SH3GL3: variants seen among roughly 807,000 people sequenced by gnomAD.
SH3GL3 encodes the protein SH3 domain containing GRB2 like 3, endophilin A3.
In SH3GL3, 33 loss-of-function variants were observed where a neutral mutation model predicts 47.7. That is an observed-to-expected ratio of 0.69 (90% confidence interval 0.52 to 0.92). SH3GL3 has a LOEUF of 0.92. Ranked by LOEUF, SH3GL3 falls within the 40% of genes least tolerant of loss-of-function variation. The pLI is 0.00. For missense variants in SH3GL3, 363 were observed against 417.8 expected, an observed-to-expected ratio of 0.87 and a Z score of 1.14; for synonymous variants, 155 against 148.8, an observed-to-expected ratio of 1.04 and a Z score of -0.30.
the SH3GL3 span, among the ~76,000 whole-genome samples, chr15:83,630,829 CCAAATCT>C: frequency 3.3e-5 from 5 of 152,074 alleles, no homozygotes; most frequent in Admixed American, 3.3e-4. Flanking sequence ...TGGCCCCCTC[CCAAATCT>C]CAAGTCTTCA....
chr15:83,573,154 A>G (rs544743112), intron 5 of SH3GL3, among the ~76,000 whole-genome samples: 1 of 152,266 alleles, frequency 6.6e-6, no homozygotes, highest in South Asian at 2.1e-4. Flanking sequence ...GTGCATGGGA[A>G]TTTTCAGGTA....
intron 1 of SH3GL3, among the ~76,000 whole-genome samples, chr15:83,522,442 T>A (rs1000301740): frequency 6.6e-6 from 1 of 152,200 alleles, no homozygotes; most frequent in Admixed American, 6.5e-5. Flanking sequence ...TAAGTGCTGG[T>A]GTGGGGATTA....
the SH3GL3 span, among the ~76,000 whole-genome samples, chr15:83,625,857 G>C: frequency 6.6e-6 from 1 of 151,778 alleles, no homozygotes; most frequent in East Asian, 1.9e-4. Flanking sequence ...TTTTGAGATG[G>C]AGTCTTGCTC....
intron 1 of SH3GL3, among the ~76,000 whole-genome samples, chr15:83,522,003 G>C (rs1271926452): frequency 6.6e-6 from 1 of 152,104 alleles, no homozygotes; most frequent in Non-Finnish European, 1.5e-5. Context: ...GTCGGGGAGA[G>C]GACACAGAGA....
chr15:83,621,338 C>A (rs2141313466), downstream of SH3GL3, among the ~76,000 whole-genome samples: 1 of 152,290 alleles, frequency 6.6e-6, no homozygotes, highest in African/African-American at 2.4e-5. Flanking sequence ...ACCTGTGACT[C>A]TTCTTTCACT....
intron 8 of SH3GL3, among the ~76,000 whole-genome samples, chr15:83,609,751 G>C (rs1450845027): frequency 6.6e-6 from 1 of 151,984 alleles, no homozygotes; most frequent in Non-Finnish European, 1.5e-5. Context: ...ACAGAGAGAA[G>C]GATGCCCCTT....
Position 83,466,946 on chromosome 15 carries a change from G to A in SH3GL3, c.45+19368G>A, listed in dbSNP as rs554955147. 2.6e-5 allele frequency among the ~76,000 whole-genome samples: 4 copies of A among 152,108 alleles called. No homozygotes were observed. The South Asian group carries it at 8.3e-4, about 31-fold the overall frequency. On this transcript the variant is annotated intron_variant, in intron 1 of 8. Transcript: ENST00000427482. The stretch of plus-strand genomic sequence containing the variant: ...AATTCTTTATATATTATAGATATTA[G>A]TCCTCTGTTGGATATGTGTTTGCAA...
intron 1 of SH3GL3, among the ~76,000 whole-genome samples, chr15:83,486,803 G>A (rs1567262313): frequency 1.3e-5 from 2 of 152,164 alleles, no homozygotes; most frequent in African/African-American, 4.8e-5. Flanking sequence ...GGAAGTCCAA[G>A]ATCAAGGCAC....
At chr15:83,559,454 A>G (rs1388715828) in intron 2 of SH3GL3, 133 bp downstream of exon 2, 4 of 618,426 alleles carry the variant, frequency 6.5e-6, no homozygotes, top group African/African-American at 1.8e-5. Context: ...GCAATCTACA[A>G]GGCAGTACTT....
intron 1 of SH3GL3, among the ~76,000 whole-genome samples, chr15:83,517,089 G>A (rs1233668917): frequency 1.3e-5 from 2 of 151,746 alleles, no homozygotes; most frequent in African/African-American, 4.8e-5. Flanking sequence ...ACTTATACAT[G>A]TCTCCTAGAA....
chr15:83,571,317 G>A (rs1237730580), intron 4 of SH3GL3, among the ~76,000 whole-genome samples: 1 of 152,206 alleles, frequency 6.6e-6, no homozygotes, highest in Non-Finnish European at 1.5e-5. Flanking sequence ...TGAGACACTG[G>A]CACTGGTGGC....
At chr15:83,575,395 A>G (rs561189841) in intron 5 of SH3GL3, among the ~76,000 whole-genome samples, 37 of 152,386 alleles carry the variant, frequency 2.4e-4, no homozygotes, top group African/African-American at 8.2e-4. Flanking sequence ...GCAGTTCTCT[A>G]TGCAACAAAA....
chr15:83,632,589 G>A, the SH3GL3 span, among the ~76,000 whole-genome samples: 1 of 152,242 alleles, frequency 6.6e-6, no homozygotes, highest in African/African-American at 2.4e-5. Flanking sequence ...CATGGTGGAA[G>A]GGGAAGCAAA....
intron 3 of SH3GL3, among the ~76,000 whole-genome samples, chr15:83,566,901 C>T (rs772752186): frequency 2.6e-5 from 4 of 152,110 alleles, no homozygotes; most frequent in Non-Finnish European, 4.4e-5. Context: ...CAACCCAGAC[C>T]GATGGAATCA....
chr15:83,608,269 A>G (rs1240131141), intron 8 of SH3GL3, among the ~76,000 whole-genome samples: 2 of 152,218 alleles, frequency 1.3e-5, no homozygotes, highest in African/African-American at 2.4e-5. Context: ...GATTTTACTT[A>G]GTAGTGCACA....
chr15:83,449,446 A>G (rs2039625784), intron 1 of SH3GL3, among the ~76,000 whole-genome samples: 1 of 152,208 alleles, frequency 6.6e-6, no homozygotes, highest in Non-Finnish European at 1.5e-5. Flanking sequence ...CTTCCTTAGC[A>G]CTGGCAGGAA....
chr15:83,608,772 G>C (rs1202535493), intron 8 of SH3GL3, among the ~76,000 whole-genome samples: 1 of 149,040 alleles, frequency 6.7e-6, no homozygotes, highest in African/African-American at 2.5e-5. Flanking sequence ...CATGGTAGGA[G>C]ATGAACTGTC....
At chr15:83,460,519 C>T (rs1596016420) in intron 1 of SH3GL3, among the ~76,000 whole-genome samples, 1 of 152,122 alleles carries the variant, frequency 6.6e-6, no homozygotes, top group Admixed American at 6.5e-5. Context: ...AGTACTCATA[C>T]CGTAGGAGGT....
intron 1 of SH3GL3, among the ~76,000 whole-genome samples, chr15:83,541,018 C>T (rs1308439586): frequency 6.6e-6 from 1 of 152,092 alleles, no homozygotes; most frequent in East Asian, 1.9e-4. Flanking sequence ...TTTTAGTTCC[C>T]ACAAATGAGA....
Sources: gnomAD v4.1 joint callset for allele counts (sites outside exome capture counted in the v4.1 genomes callset) on GRCh38, gnomAD v4.1.1 for gene constraint, MANE v1.5 for transcripts, NCBI Gene and HGNC (gene_info 2026-07-23, HGNC 2026-07-21) for gene names.